Variants in WDR70 observed in about 807,000 individuals in gnomAD.
The protein encoded by WDR70 is WD repeat-containing protein 70.
WDR70 carries 53 observed loss-of-function variants against 88.6 expected under a neutral mutation model. The ratio of observed to expected loss-of-function variants is 0.60; its 90% CI spans 0.48 to 0.75. The LOEUF is 0.75. WDR70 is among the 30% of genes least tolerant of loss of function. The pLI is 0.00. For missense variants in WDR70, 610 were observed against 823.2 expected (o/e 0.74, Z 3.17); for synonymous variants, 280 against 270.0 (o/e 1.04, Z -0.36).
At chr5:37,663,812 G>T (rs143216325) in intron 10 of WDR70, among the ~76,000 whole-genome samples, 4 of 151,986 alleles carry the variant, frequency 2.6e-5, no homozygotes, top group African/African-American at 9.7e-5. Context: ...TTCCACCTGC[G>T]TGCCTGATTA....
At chr5:37,597,408 T>A (rs1474859241) in intron 9 of WDR70, among the ~76,000 whole-genome samples, 1 of 152,162 alleles carries the variant, frequency 6.6e-6, no homozygotes, top group Non-Finnish European at 1.5e-5. Context: ...AGTAATAGTG[T>A]ATTGTGATTT....
intron 17 of WDR70, among the ~76,000 whole-genome samples, chr5:37,734,561 A>G (rs984266708): frequency 1.3e-5 from 2 of 152,152 alleles, no homozygotes; most frequent in African/African-American, 4.8e-5. Context: ...AGAAAACTAA[A>G]AGAGGGATAT....
chr5:37,736,775 G>A (rs553918266), intron 17 of WDR70, among the ~76,000 whole-genome samples: 1 of 151,920 alleles, frequency 6.6e-6, no homozygotes, highest in African/African-American at 2.4e-5. Flanking sequence ...CTTATGTTTG[G>A]TAATAGTAAA....
chr5:37,505,939 C>A, intron 8 of WDR70: 1 of 1,485,738 alleles, frequency 6.7e-7, no homozygotes, highest in South Asian at 1.1e-5. Context: ...AGATTAGCAC[C>A]TTCTAAATTG....
chr5:37,417,652 TCTCAGCCTTCTGAGTGG>T (rs1749803126), intron 5 of WDR70, among the ~76,000 whole-genome samples: 1 of 151,960 alleles, frequency 6.6e-6, no homozygotes, highest in Non-Finnish European at 1.5e-5. Context: ...GATTCTCCTG[TCTCAGCCTTCTGAGTGG>T]CTGAGACTGC....
intron 9 of WDR70, among the ~76,000 whole-genome samples, chr5:37,593,726 C>T (rs879796005): frequency 2.0e-5 from 3 of 152,216 alleles, no homozygotes; most frequent in African/African-American, 7.2e-5. Flanking sequence ...AATCGCCACA[C>T]TGTCTTCCAC....
At chr5:37,729,682 T>C (rs1456878126) in intron 17 of WDR70, among the ~76,000 whole-genome samples, 4 of 152,214 alleles carry the variant, frequency 2.6e-5, no homozygotes, top group Admixed American at 2.0e-4. Flanking sequence ...ACCCCAGTGA[T>C]TGTGGCTGTG....
intron 13 of WDR70, among the ~76,000 whole-genome samples, chr5:37,714,562 G>C (rs1014788089): frequency 6.6e-6 from 1 of 152,062 alleles, no homozygotes; most frequent in South Asian, 2.1e-4. Flanking sequence ...GGCATGAGGG[G>C]CTCCATATCT....
At chr5:37,657,222 C>G (rs190934323) in intron 10 of WDR70, among the ~76,000 whole-genome samples, 28 of 152,232 alleles carry the variant, frequency 1.8e-4, no homozygotes, top group African/African-American at 5.3e-4. Context: ...CAGCAGGGTC[C>G]CTCATGGTTT....
intron 13 of WDR70, among the ~76,000 whole-genome samples, chr5:37,710,643 C>T (rs2112676954): frequency 6.6e-6 from 1 of 152,172 alleles, no homozygotes; most frequent in East Asian, 1.9e-4. Context: ...TGCAAAAAAT[C>T]TATGGTGAAT....
chr5:37,687,940 GTC>G, intron 10 of WDR70: 2 of 694,920 alleles, frequency 2.9e-6, no homozygotes, highest in Non-Finnish European at 5.3e-6. Context: ...ATATGGAACT[GTC>G]TGCATGCTCT....
intron 5 of WDR70, among the ~76,000 whole-genome samples, chr5:37,411,914 A>G (rs962559066): frequency 9.9e-5 from 15 of 151,856 alleles, no homozygotes; most frequent in Admixed American, 9.2e-4. Context: ...TATTAAAAAT[A>G]TTAATTATAT....
chr5:37,476,333 A>C (rs983259519), intron 7 of WDR70, among the ~76,000 whole-genome samples: 1 of 151,878 alleles, frequency 6.6e-6, no homozygotes, highest in East Asian at 1.9e-4. Context: ...AACTGCATTT[A>C]CTCCCTCCTG....
At chr5:37,733,037 A>G (rs1748196554) in intron 17 of WDR70, among the ~76,000 whole-genome samples, 1 of 152,054 alleles carries the variant, frequency 6.6e-6, no homozygotes. Flanking sequence ...TACAAATTTG[A>G]TGTCTTAAAA....
chr5:37,495,545 T>C (rs1740191940), intron 8 of WDR70, among the ~76,000 whole-genome samples: 1 of 152,146 alleles, frequency 6.6e-6, no homozygotes, highest in African/African-American at 2.4e-5. Context: ...TAATGTCCTC[T>C]CTCAAAGTAT....
chr5:37,496,922 G>A (rs181579373), intron 8 of WDR70, among the ~76,000 whole-genome samples: 14 of 152,298 alleles, frequency 9.2e-5, no homozygotes, highest in Non-Finnish European at 1.6e-4. Flanking sequence ...AAGCAGAGGA[G>A]GAGACTGAGA....
At chr5:37,655,349 C>G (rs1479120363) in intron 10 of WDR70, among the ~76,000 whole-genome samples, 1 of 152,098 alleles carries the variant, frequency 6.6e-6, no homozygotes, top group Non-Finnish European at 1.5e-5. Context: ...GTAACCCAAC[C>G]TTTCTTCTCT....
intron 5 of WDR70, among the ~76,000 whole-genome samples, chr5:37,430,061 T>C (rs1158025011): frequency 6.6e-6 from 1 of 152,234 alleles, no homozygotes; most frequent in East Asian, 1.9e-4. Flanking sequence ...TTGCACATAT[T>C]TTAAAAAATT....
chr5:37,471,385 C>T (rs1739320546), intron 7 of WDR70, among the ~76,000 whole-genome samples: 1 of 150,740 alleles, frequency 6.6e-6, no homozygotes, highest in Non-Finnish European at 1.5e-5. Context: ...TAGACAACTT[C>T]TCATAACATT....
Sources: allele counts gnomAD v4.1 joint callset (sites outside exome capture counted in the v4.1 genomes callset), GRCh38; gene constraint gnomAD v4.1.1; transcripts MANE v1.5; gene names NCBI Gene and HGNC (gene_info 2026-07-23, HGNC 2026-07-21).